Variants in RBFOX1 observed in about 807,000 individuals in gnomAD.
RBFOX1 encodes the protein RNA binding fox-1 homolog 1, also known as RNA binding protein fox-1 homolog 1.
Under a neutral mutation model 57.7 loss-of-function variants are expected in RBFOX1, and 8 were observed. The observed-to-expected ratio is 0.14, with a 90% CI of 0.08 to 0.25. The LOEUF (loss-of-function observed/expected upper bound fraction) is 0.25. Ranked by LOEUF, RBFOX1 falls within the 10% of genes least tolerant of loss-of-function variation. The pLI, the probability that RBFOX1 is intolerant of heterozygous loss-of-function variation, is 1.00. For missense variants in RBFOX1, 611 were observed against 548.5 expected, an observed-to-expected ratio of 1.11 and a Z score of -1.14; for synonymous variants, 326 against 222.4, an observed-to-expected ratio of 1.47 and a Z score of -4.15.
At chr16:7,178,341 A>T (rs966169856) in intron 4 of RBFOX1, among the ~76,000 whole-genome samples, 6 of 152,210 alleles carry the variant, frequency 3.9e-5, no homozygotes, top group African/African-American at 1.4e-4. Flanking sequence ...TTCCAATGGT[A>T]ATTAAATGAC....
At chr16:5,603,916 T>C (rs1421240184), downstream of RBFOX1, among the ~76,000 whole-genome samples, 1 of 152,198 alleles carries the variant, frequency 6.6e-6, no homozygotes, top group African/African-American at 2.4e-5. Flanking sequence ...TCTTTCTTGA[T>C]ATAGTAGAAA....
At chr16:6,610,106 G>C (rs1189397588) in intron 2 of RBFOX1, among the ~76,000 whole-genome samples, 1 of 151,972 alleles carries the variant, frequency 6.6e-6, no homozygotes, top group East Asian at 1.9e-4. Context: ...TAAGAACGGA[G>C]GTAGATGACA....
intron 4 of RBFOX1, among the ~76,000 whole-genome samples, chr16:7,335,584 G>GAAAAAAAAAAAAAAAAAAAA (rs959362612): frequency 1.3e-5 from 1 of 74,652 alleles, no homozygotes. Context: ...CTCAGATAAA[G>GAAAAAAAAAAAAAAAAAAAA]AAAAAAAAAA....
At chr16:6,540,611 CAAAAAAAAAAAAAAAA>C (rs140566519) in intron 2 of RBFOX1, among the ~76,000 whole-genome samples, 2 of 67,628 alleles carry the variant, frequency 3.0e-5, no homozygotes, top group Admixed American at 4.4e-4. Flanking sequence ...GACTCTGTCT[CAAAAAAAAAAAAAAAA>C]AAAAAAAAAA....
intron 4 of RBFOX1, among the ~76,000 whole-genome samples, chr16:7,259,859 G>C (rs376655417): frequency 6.6e-6 from 1 of 152,096 alleles, no homozygotes; most frequent in South Asian, 2.1e-4. Context: ...TAGTATACCT[G>C]GTGTATTAGG....
At chr16:7,037,429 C>G (rs1443376395) in intron 3 of RBFOX1, among the ~76,000 whole-genome samples, 1 of 151,616 alleles carries the variant, frequency 6.6e-6, no homozygotes, top group African/African-American at 2.4e-5. Flanking sequence ...TTTACCCAGC[C>G]CCTATTCAAG....
In RBFOX1 at chr16:6,067,379, C is replaced by CAAACAAACAAA. The variant is rs71142673; in HGVS notation, c.-127+47387_-127+47388insAAACAAACAAA. On this transcript the variant is annotated intron_variant, in intron 1 of 15. Transcript: ENST00000550418. The stretch of plus-strand genomic sequence containing the variant: ...AGAAGTGAATAGAGGCAAAAACAAA[C>CAAACAAACAAA]CAACCAAACAAACAAACAAACAAAC... Among the ~76,000 whole-genome samples the CAAACAAACAAA allele has an allele frequency of 8.4e-3, 1,102 of 130,582 alleles. 3 individuals carry two copies. Among genetic ancestry groups the CAAACAAACAAA allele is most frequent in the Middle Eastern group, 0.018 (5 of 274 alleles). 85.7% of individuals were successfully genotyped at this position (130,582 alleles called of 152,430 possible). A position where few individuals can be genotyped will look rare whatever the true frequency, so the allele number is the denominator to read the frequency against.
At chr16:7,205,220 A>T (rs2089671440) in intron 4 of RBFOX1, among the ~76,000 whole-genome samples, 1 of 152,108 alleles carries the variant, frequency 6.6e-6, no homozygotes, top group Admixed American at 6.6e-5. Context: ...CAGTTGAGTG[A>T]AAATGTATGG....
rs1303554126 is a variant in RBFOX1, at chr16:7,699,077, TTCTGATTCATAAG to T, written c.996-9976_996-9964del. On this transcript the variant is annotated intron_variant, in intron 14 of 15. Transcript: ENST00000550418. The stretch of plus-strand genomic sequence containing the variant: ...TTGTCGCCTTCCCCTGCCCCTGAGA[TTCTGATTCATAAG>T]TCCGGAGAGGGAGCCTGGAAATCTG... Among the ~76,000 whole-genome samples the T allele has an allele frequency of 5.9e-5, 9 of 152,272 alleles. No individual in the cohort carries two copies. In the East Asian group the frequency reaches 1.7e-3, roughly 29 times the overall value.
intron 2 of RBFOX1, among the ~76,000 whole-genome samples, chr16:6,523,399 A>G (rs914222079): frequency 2.0e-5 from 3 of 152,120 alleles, no homozygotes; most frequent in South Asian, 2.1e-4. Context: ...GATTGTGTCT[A>G]TGAACTTGGC....
At chr16:5,867,934 AC>A (rs2057381537) in intron 4 of RBFOX1, among the ~76,000 whole-genome samples, 1 of 151,924 alleles carries the variant, frequency 6.6e-6, no homozygotes. Context: ...CTGGTCTCAA[AC>A]TCCTGGCCTC....
rs7192630 is a variant in RBFOX1 at position 7,152,509 on chromosome 16, T to C, written c.27+100411T>C. On this transcript the variant is annotated intron_variant, in intron 4 of 15. Coordinates refer to ENST00000550418, the MANE Select transcript of RBFOX1 (RefSeq NM_018723.4). Reference sequence around the variant, plus strand: ...CTAGGATCTTTAAAAATTGTGGCCTTATGGTCTGGTGCTACCAAAGAGTTA... The same window carrying C: ...CTAGGATCTTTAAAAATTGTGGCCTCATGGTCTGGTGCTACCAAAGAGTTA... Among the ~76,000 whole-genome samples, 1,417 of 152,274 alleles carry C rather than the reference T, an allele frequency of 9.3e-3. 38 individuals carry two copies. The highest frequency in any genetic ancestry group is 0.032 in the African/African-American group (1,313 of 41,546).
At chr16:7,490,645 A>G (rs1249685417) in intron 4 of RBFOX1, among the ~76,000 whole-genome samples, 1 of 152,230 alleles carries the variant, frequency 6.6e-6, no homozygotes, top group East Asian at 1.9e-4. Context: ...ACCATGAGGA[A>G]GAAAACAGAT....
At chr16:7,428,313 G>A (rs1028651675) in intron 4 of RBFOX1, among the ~76,000 whole-genome samples, 1 of 145,204 alleles carries the variant, frequency 6.9e-6, no homozygotes, top group Non-Finnish European at 1.5e-5. Context: ...TGACCTATGA[G>A]AATTAATATC....
intron 2 of RBFOX1, among the ~76,000 whole-genome samples, chr16:6,536,857 A>T (rs543360065): frequency 6.6e-6 from 1 of 152,224 alleles, no homozygotes; most frequent in Non-Finnish European, 1.5e-5. Context: ...GGAATTAAAT[A>T]ATGATAACAT....
intron 4 of RBFOX1, among the ~76,000 whole-genome samples, chr16:7,052,589 G>A (rs1434159359): frequency 6.6e-6 from 1 of 152,142 alleles, no homozygotes; most frequent in Non-Finnish European, 1.5e-5. Flanking sequence ...GTATATGGGA[G>A]AGGGAGACAA....
chr16:5,426,772 A>G (rs1026998933), intron 1 of RBFOX1, among the ~76,000 whole-genome samples: 1 of 152,152 alleles, frequency 6.6e-6, no homozygotes, highest in African/African-American at 2.4e-5. Flanking sequence ...GAGAGAGGCT[A>G]CTTGCTGGCC....
At chr16:5,658,962 A>T (rs1489496315) in intron 3 of RBFOX1, among the ~76,000 whole-genome samples, 1 of 151,774 alleles carries the variant, frequency 6.6e-6, no homozygotes, top group African/African-American at 2.4e-5. Flanking sequence ...GCAATTGCAA[A>T]TTGCGATGCT....
intron 4 of RBFOX1, among the ~76,000 whole-genome samples, chr16:7,180,183 C>G (rs919589973): frequency 6.6e-6 from 1 of 152,094 alleles, no homozygotes; most frequent in African/African-American, 2.4e-5. Flanking sequence ...ATAATAATAT[C>G]CAAAGAACAG....
Sources: gnomAD v4.1 joint callset for allele counts (sites outside exome capture counted in the v4.1 genomes callset) on GRCh38, gnomAD v4.1.1 for gene constraint, MANE v1.5 for transcripts, NCBI Gene and HGNC (gene_info 2026-07-23, HGNC 2026-07-21) for gene names.